TENM4: variants seen among roughly 807,000 people sequenced by gnomAD.
TENM4 encodes the protein teneurin transmembrane protein 4, also known as teneurin-4.
In TENM4, 82 loss-of-function variants were observed where a neutral mutation model predicts 243.3. That is an observed-to-expected ratio of 0.34 (90% CI 0.28 to 0.40). TENM4 has a LOEUF of 0.40. Ranked by LOEUF, TENM4 falls within the 10% of genes least tolerant of loss-of-function variation. The pLI, the probability that TENM4 is intolerant of heterozygous loss-of-function variation, is 1.00. For missense variants in TENM4, 3,138 were observed against 3,673.3 expected (o/e 0.85, Z 3.77); for synonymous variants, 1,412 against 1,456.3 (o/e 0.97, Z 0.69).
intron 1 of TENM4, among the ~76,000 whole-genome samples, chr11:79,340,680 C>T (rs892552464): frequency 6.6e-6 from 1 of 152,142 alleles, no homozygotes; most frequent in Non-Finnish European, 1.5e-5. Context: ...GGCTTTCCTT[C>T]TATGCCTTGG....
At chr11:78,712,413 G>C in intron 26 of TENM4, 69 bp downstream of exon 26, 1 of 1,491,264 alleles carries the variant, frequency 6.7e-7, no homozygotes, top group Non-Finnish European at 9.2e-7. Flanking sequence ...TATTAATCAT[G>C]CATGTTTTTC....
intron 4 of TENM4, among the ~76,000 whole-genome samples, chr11:79,075,767 C>T (rs543354700): frequency 6.6e-5 from 10 of 152,344 alleles, no homozygotes; most frequent in South Asian, 6.2e-4. Flanking sequence ...GGCAGGGACT[C>T]GGCCTGTCAG....
chr11:78,693,873 G>A (rs568628790), intron 28 of TENM4, among the ~76,000 whole-genome samples: 38 of 152,262 alleles, frequency 2.5e-4, no homozygotes, highest in African/African-American at 7.5e-4. Context: ...AATTAGCTAC[G>A]CACGGTGGCT....
intron 2 of TENM4, among the ~76,000 whole-genome samples, chr11:79,240,096 G>C (rs902639966): frequency 1.2e-4 from 18 of 152,152 alleles, no homozygotes; most frequent in Non-Finnish European, 2.1e-4. Flanking sequence ...CTATTTAATA[G>C]CTGTGTGACC....
At chr11:79,226,683 C>A (rs918101867) in intron 2 of TENM4, among the ~76,000 whole-genome samples, 5 of 152,200 alleles carry the variant, frequency 3.3e-5, no homozygotes, top group African/African-American at 1.2e-4. Flanking sequence ...AGCAATGATA[C>A]TCCTGAGCAA....
rs558325894 is a variant in TENM4 at position 79,186,894 on chromosome 11, A to T, written c.-163+28914T>A. ...TACTGCATCTGAAACAGCCCCTCGG[A>T]GCCCGATTCTCTGGCTATTGGCTTT... is the stretch of plus-strand genomic sequence containing the variant. On this transcript the variant is annotated intron_variant, in intron 3 of 33. Transcript: ENST00000278550. Among the ~76,000 whole-genome samples the T allele has an allele frequency of 3.3e-5, 5 of 152,280 alleles. No homozygotes were observed. The South Asian group carries it at 1.0e-3, about 32-fold the overall frequency.
At chr11:79,153,348 T>A (rs1862545562) in intron 3 of TENM4, among the ~76,000 whole-genome samples, 1 of 152,176 alleles carries the variant, frequency 6.6e-6, no homozygotes, top group Non-Finnish European at 1.5e-5. Context: ...TGATGAGGAC[T>A]TTTTCTGACC....
rs556518125 is a variant in TENM4, at chr11:78,889,712, G to A, written c.1084+73C>T. ...GCCATGCTAGTAAGGAGCCTTCAGT[G>A]CCCACACGTGTCTTGGTTGCTGCCC... On this transcript the variant is annotated intron_variant, in intron 9 of 33. Coordinates refer to ENST00000278550, the MANE Select transcript of TENM4 (RefSeq NM_001098816.3). The A allele has an allele frequency of 4.2e-5, 62 of 1,460,948 alleles. 1 individual carries two copies. The East Asian group carries it at 1.4e-3, about 33-fold the overall frequency. The allele number at this position is 1,460,948 out of a possible 1,614,324, so 90.5% of individuals were successfully genotyped here.
chr11:79,262,612 C>T (rs965603278), intron 2 of TENM4, among the ~76,000 whole-genome samples: 16 of 152,176 alleles, frequency 1.1e-4, no homozygotes, highest in African/African-American at 3.9e-4. Flanking sequence ...GAAATGAGAC[C>T]TCAAGATGTA....
chr11:79,115,619 CTG>C (rs1449221240), intron 4 of TENM4, among the ~76,000 whole-genome samples: 2 of 152,168 alleles, frequency 1.3e-5, no homozygotes, highest in South Asian at 2.1e-4. Context: ...GTCTTTATTC[CTG>C]TGGATTCTGA....
intron 6 of TENM4, among the ~76,000 whole-genome samples, chr11:78,928,006 C>T (rs931850698): frequency 2.0e-5 from 3 of 152,178 alleles, no homozygotes; most frequent in African/African-American, 4.8e-5. Context: ...CCAAGGAGAC[C>T]ACCAAACCCA....
chr11:78,802,763 C>T (rs1857306523), intron 15 of TENM4, among the ~76,000 whole-genome samples: 1 of 152,250 alleles, frequency 6.6e-6, no homozygotes, highest in Admixed American at 6.5e-5. Flanking sequence ...ATGGGACACT[C>T]AACAAACGCC....
intron 4 of TENM4, among the ~76,000 whole-genome samples, chr11:79,076,904 T>C (rs1860548212): frequency 6.6e-6 from 1 of 152,202 alleles, no homozygotes; most frequent in South Asian, 2.1e-4. Flanking sequence ...TTCTCTTATT[T>C]ACTCTTATTT....
chr11:79,183,941 C>T (rs1863335846), intron 3 of TENM4, among the ~76,000 whole-genome samples: 1 of 152,152 alleles, frequency 6.6e-6, no homozygotes, highest in Non-Finnish European at 1.5e-5. Context: ...TGAAAAAATG[C>T]ATGGTAATTC....
At chr11:79,342,966 A>G (rs369001540) in intron 1 of TENM4, among the ~76,000 whole-genome samples, 21 of 152,354 alleles carry the variant, frequency 1.4e-4, no homozygotes, top group Middle Eastern at 3.4e-3. Flanking sequence ...GTTTGAGGAT[A>G]AGTCCACCAC....
At chr11:78,806,400 G>A (rs1227813265) in intron 14 of TENM4, among the ~76,000 whole-genome samples, 1 of 152,212 alleles carries the variant, frequency 6.6e-6, no homozygotes, top group Non-Finnish European at 1.5e-5. Context: ...TGTGGTAGGT[G>A]AGTCACATAG....
At chr11:78,675,723 T>G (rs1169479566) in intron 30 of TENM4, among the ~76,000 whole-genome samples, 1 of 152,208 alleles carries the variant, frequency 6.6e-6, no homozygotes, top group Non-Finnish European at 1.5e-5. Flanking sequence ...ATAGCAATAA[T>G]GGTAATAAAT....
rs56137626 is a variant in TENM4 at position 79,254,529 on chromosome 11, C to T, written c.-264-38620G>A. Among the ~76,000 whole-genome samples, 1,189 of 152,254 alleles carry T rather than the reference C, an allele frequency of 7.8e-3. 14 individuals are homozygous for T. Among genetic ancestry groups the T allele is most frequent in the African/African-American group, 0.027 (1,137 of 41,536 alleles). On this transcript the variant is annotated intron_variant, in intron 2 of 33. Coordinates refer to ENST00000278550, the MANE Select transcript of TENM4 (RefSeq NM_001098816.3). ...GCAGCTAAGGAGCTAAGACAAGTCA[C>T]GCGTTCTTTTCTGACTTTCTGGACT...
rs182293226 is a variant in TENM4 at position 78,934,513 on chromosome 11, A to C, written c.494-30990T>G. ...TCACGGGTTAGACTGGCGGACCTGG[A>C]AGGTCCTTCCAGTACTAAAGCCTTG... On this transcript the variant is annotated intron_variant, in intron 6 of 33. Coordinates refer to ENST00000278550, the MANE Select transcript of TENM4 (RefSeq NM_001098816.3). Among the ~76,000 whole-genome samples the C allele has an allele frequency of 2.6e-5, 4 of 152,306 alleles. No individual in the cohort carries two copies. In the East Asian group the frequency reaches 7.7e-4, roughly 29 times the overall value.
Sources: gnomAD v4.1 joint callset for allele counts (sites outside exome capture counted in the v4.1 genomes callset) on GRCh38, gnomAD v4.1.1 for gene constraint, MANE v1.5 for transcripts, NCBI Gene and HGNC (gene_info 2026-07-23, HGNC 2026-07-21) for gene names.